The following EFR3B variants were observed in gnomAD, a reference collection of about 807,000 sequenced individuals.
The protein encoded by EFR3B is EFR3 homolog B.
Under a neutral mutation model 104.7 loss-of-function variants are expected in EFR3B, and 64 were observed. The ratio of observed to expected loss-of-function variants is 0.61; its 90% CI spans 0.50 to 0.75. The LOEUF (loss-of-function observed/expected upper bound fraction) is 0.75, where lower values mean the gene tolerates loss of function less well. Ranked by LOEUF, EFR3B falls within the 30% of genes least tolerant of loss-of-function variation. The probability of loss-of-function intolerance (pLI) is 0.00; values close to 1 mark genes in which losing one functional copy is unlikely to be tolerated. For missense variants in EFR3B, 750 were observed against 1,078.5 expected, an observed-to-expected ratio of 0.70 and a Z score of 4.27; for synonymous variants, 385 against 417.9, an observed-to-expected ratio of 0.92 and a Z score of 0.96.
At chr2:25,133,063 C>G (rs1437119648) in intron 11 of EFR3B, 49 bp downstream of exon 11, 8 of 1,477,852 alleles carry the variant, frequency 5.4e-6, no homozygotes, top group Non-Finnish European at 7.4e-6. Flanking sequence ...CCCCCAGCTG[C>G]ATTTTCTGAC....
chr2:25,141,963 A>C (rs770178148), intron 17 of EFR3B, among the ~76,000 whole-genome samples: 3 of 152,216 alleles, frequency 2.0e-5, no homozygotes, highest in Non-Finnish European at 4.4e-5. Flanking sequence ...AAAATAGATC[A>C]CAGAACAGCG....
chr2:25,074,853 G>A (rs1157193988), intron 1 of EFR3B, among the ~76,000 whole-genome samples: 4 of 152,120 alleles, frequency 2.6e-5, no homozygotes, highest in Non-Finnish European at 4.4e-5. Context: ...CTGACCTCAA[G>A]TGATCCTCCT....
chr2:25,121,967 T>G (rs1317182989), intron 5 of EFR3B, among the ~76,000 whole-genome samples, 173 bp downstream of exon 5: 1 of 151,606 alleles, frequency 6.6e-6, no homozygotes, highest in Non-Finnish European at 1.5e-5. Flanking sequence ...GGTTTCTGTT[T>G]TTTTTTTTTT....
chr2:25,079,548 C>CTT (rs1668731558), intron 1 of EFR3B, among the ~76,000 whole-genome samples: 4 of 152,030 alleles, frequency 2.6e-5, no homozygotes, highest in African/African-American at 9.7e-5. Context: ...GTGCTTAGTG[C>CTT]AGAGCTGGTG....
intron 4 of EFR3B, chr2:25,115,954 G>A (rs965499450): frequency 3.3e-5 from 5 of 152,224 alleles, no homozygotes; most frequent in Non-Finnish European, 7.3e-5. Context: ...TATTTTGAAG[G>A]CTTCCAACAG....
chr2:25,109,132 C>T (rs1669649299), intron 4 of EFR3B, among the ~76,000 whole-genome samples: 1 of 150,828 alleles, frequency 6.6e-6, no homozygotes, highest in Admixed American at 6.6e-5. Flanking sequence ...AATAAGGGTT[C>T]AATAACCAGA....
chr2:25,157,151 T>C lies in EFR3B; in HGVS notation c.*2811T>C, dbSNP rs958050146. 6.6e-6 allele frequency: 1 copy of C among 152,254 alleles called. No homozygotes were observed. The highest frequency in any genetic ancestry group is 1.5e-5 in the Non-Finnish European group (1 of 68,044). 9.4% of individuals were successfully genotyped at this position (152,254 alleles called of 1,614,324 possible). A position where few individuals can be genotyped will look rare whatever the true frequency, so the allele number is the denominator to read the frequency against. Reference sequence around the variant, plus strand: ...TTCCTCTCCACCGGTCCCAGGCAGCTTTTCCTTTCCATCACTGCCGCTTAG... The same window carrying C: ...TTCCTCTCCACCGGTCCCAGGCAGCCTTTCCTTTCCATCACTGCCGCTTAG... On this transcript the variant is annotated 3_prime_UTR_variant, in exon 23 of 23. Coordinates refer to ENST00000403714, the MANE Select transcript of EFR3B (RefSeq NM_014971.2).
chr2:25,084,136 C>T (rs530951), intron 1 of EFR3B, among the ~76,000 whole-genome samples: 55,956 of 152,006 alleles, frequency 0.37, 12,282 homozygotes, highest in Admixed American at 0.53. Flanking sequence ...TCAGTTTTCT[C>T]ATCTATAAAA....
Position 25,114,512 on chromosome 2 carries a change from C to T in EFR3B, c.364-7161C>T, listed in dbSNP as rs1435333694. Among the ~76,000 whole-genome samples, 1 of 152,194 alleles carries T rather than the reference C, an allele frequency of 6.6e-6. No individual in the cohort carries two copies. The highest frequency in any genetic ancestry group is 1.9e-4 in the East Asian group (1 of 5,196). ...ATTAAGTGCAGTCTTACTAGAATATCTAACAGAGCAAGAGTCCTGGCAGCC... is the reference window on the plus strand; with the variant it reads ...ATTAAGTGCAGTCTTACTAGAATATTTAACAGAGCAAGAGTCCTGGCAGCC... On this transcript the variant is annotated intron_variant, in intron 4 of 22. Coordinates refer to ENST00000403714, the MANE Select transcript of EFR3B (RefSeq NM_014971.2). This position sits in a 1 kb window ranked among gnomAD's most constrained non-coding sequence, Gnocchi z 4.0.
chr2:25,075,874 G>A (rs1417161959), intron 1 of EFR3B, among the ~76,000 whole-genome samples: 6 of 152,176 alleles, frequency 3.9e-5, no homozygotes, highest in South Asian at 2.1e-4. Flanking sequence ...TTTCACTTGT[G>A]TTTCCTCATG....
chr2:25,090,043 C>T (rs1669069459), intron 1 of EFR3B, among the ~76,000 whole-genome samples: 3 of 151,404 alleles, frequency 2.0e-5, no homozygotes, highest in South Asian at 2.1e-4. Flanking sequence ...CTCTTTTCTC[C>T]GCCCTATGTA....
chr2:25,141,093 CAGTCTCTTA>C (rs1251984705), intron 16 of EFR3B, among the ~76,000 whole-genome samples: 1 of 151,080 alleles, frequency 6.6e-6, no homozygotes, highest in African/African-American at 2.4e-5. Flanking sequence ...CCAGCAGCTG[CAGTCTCTTA>C]AGAGTTAAGT....
chr2:25,143,668 A>T (rs1395831811), intron 17 of EFR3B, 67 bp from the exon 18 acceptor site: 8 of 1,535,940 alleles, frequency 5.2e-6, no homozygotes, highest in Non-Finnish European at 7.0e-6. Flanking sequence ...CTTAAAAAAA[A>T]AAATTGTTCA....
At chr2:25,058,769 C>CT (rs1405681814) in intron 1 of EFR3B, among the ~76,000 whole-genome samples, 3 of 137,656 alleles carry the variant, frequency 2.2e-5, no homozygotes, top group African/African-American at 8.3e-5. Flanking sequence ...CCCGCGCCCC[C>CT]CCCCCCAAAA....
At chr2:25,118,898 C>T (rs936646491) in intron 4 of EFR3B, among the ~76,000 whole-genome samples, 5 of 152,020 alleles carry the variant, frequency 3.3e-5, no homozygotes, top group African/African-American at 1.2e-4. Flanking sequence ...ACCAGCCAGG[C>T]ATCGTGGCTG....
intron 1 of EFR3B, among the ~76,000 whole-genome samples, chr2:25,074,420 C>G (rs1217664809): frequency 6.6e-6 from 1 of 152,016 alleles, no homozygotes; most frequent in Non-Finnish European, 1.5e-5. Context: ...CAAAAATTAG[C>G]CAGGCGTGGT....
chr2:25,141,449 G>A lies in EFR3B; in HGVS notation c.1922+16G>A. On this transcript the variant is annotated intron_variant, in intron 17 of 22. Coordinates refer to ENST00000403714, the MANE Select transcript of EFR3B (RefSeq NM_014971.2). ...AGAGGCCCAGGTGAGGAGAGGACGG[G>A]GGACGTGGTCAGGGATCCCCAGGGC... The A allele has an allele frequency of 6.4e-7, 1 of 1,550,754 alleles. No individual in the cohort carries two copies. Among genetic ancestry groups the A allele is most frequent in the Non-Finnish European group, 8.7e-7 (1 of 1,146,610 alleles).
At chr2:25,141,841 C>CT (rs1670674717) in intron 17 of EFR3B, among the ~76,000 whole-genome samples, 1 of 152,172 alleles carries the variant, frequency 6.6e-6, no homozygotes, top group South Asian at 2.1e-4. Context: ...ACCAAAATGT[C>CT]TAACAGTAGG....
rs1319070973 is a variant in EFR3B at position 25,151,292 on chromosome 2, G to A, written c.2192-622G>A. Among the ~76,000 whole-genome samples, 3 of 151,924 alleles carry A rather than the reference G, an allele frequency of 2.0e-5. No homozygotes were observed. In the South Asian group the frequency reaches 6.2e-4, roughly 32 times the overall value. ...TATTTTTGAGATGGAGTCTCGCTCT[G>A]TCACCCAGGCTAGAGTGCAATGGCG... On this transcript the variant is annotated intron_variant, in intron 20 of 22. Transcript: ENST00000403714.
Sources: gnomAD v4.1 joint callset for allele counts (sites outside exome capture counted in the v4.1 genomes callset) on GRCh38, gnomAD v4.1.1 for gene constraint, Gnocchi (gnomAD v3.1) non-coding constraint, MANE v1.5 for transcripts, NCBI Gene and HGNC (gene_info 2026-07-23, HGNC 2026-07-21) for gene names.